Variants in IL1RAPL1 observed in about 807,000 individuals in gnomAD.
The protein encoded by IL1RAPL1 is interleukin-1 receptor accessory protein-like 1.
A neutral mutation model predicts 48.4 loss-of-function variants in IL1RAPL1; 3 were observed. The observed-to-expected ratio is 0.06, with a 90% confidence interval of 0.03 to 0.16. IL1RAPL1 has a LOEUF of 0.16. Ranked by LOEUF, IL1RAPL1 falls within the 10% of genes least tolerant of loss-of-function variation. The pLI, the probability that IL1RAPL1 is intolerant of heterozygous loss-of-function variation, is 1.00. For missense variants in IL1RAPL1, 349 were observed against 530.6 expected, an observed-to-expected ratio of 0.66 and a Z score of 3.36; for synonymous variants, 185 against 187.7, an observed-to-expected ratio of 0.99 and a Z score of 0.12.
intron 5 of IL1RAPL1, among the ~76,000 whole-genome samples, chrX:29,538,338 CTTTTTTT>C (rs397896582): frequency 3.6e-5 from 3 of 83,584 alleles, no homozygotes; most frequent in South Asian, 6.3e-4. Flanking sequence ...CTTTTCTTTT[CTTTTTTT>C]TTTTTTTTTT....
intron 6 of IL1RAPL1, among the ~76,000 whole-genome samples, chrX:29,891,515 T>TAATA (rs1196039274): frequency 8.9e-6 from 1 of 111,734 alleles, no homozygotes; most frequent in Admixed American, 9.5e-5. Flanking sequence ...GAGCCTCCTC[T>TAATA]AATAGGTTTC....
chrX:29,884,488 TC>T (rs1462838193), intron 6 of IL1RAPL1, among the ~76,000 whole-genome samples: 1 of 110,990 alleles, frequency 9.0e-6, no homozygotes, highest in Non-Finnish European at 1.9e-5. Context: ...TGCTGGTTAG[TC>T]CTCTTCCCCC....
intron 5 of IL1RAPL1, among the ~76,000 whole-genome samples, chrX:29,569,689 A>G (rs562073213): frequency 5.4e-5 from 6 of 111,629 alleles, no homozygotes; most frequent in African/African-American, 1.9e-4. Context: ...GAAAGCAGGC[A>G]TTTAATGAGA....
intron 2 of IL1RAPL1, among the ~76,000 whole-genome samples, chrX:29,188,187 A>C (rs1263754270): frequency 8.9e-6 from 1 of 111,905 alleles, no homozygotes. Flanking sequence ...CTTTACAATG[A>C]ACTTCCATCC....
At chrX:29,638,482 T>G (rs1378847776) in intron 5 of IL1RAPL1, among the ~76,000 whole-genome samples, 1 of 111,681 alleles carries the variant, frequency 9.0e-6, no homozygotes, top group Non-Finnish European at 1.9e-5. Flanking sequence ...AAAACTTGAA[T>G]ACAGTATGGC....
intron 5 of IL1RAPL1, among the ~76,000 whole-genome samples, chrX:29,573,580 C>T (rs5972427): frequency 0.12 from 13,652 of 111,718 alleles, 1,592 homozygotes; most frequent in African/African-American, 0.36. Flanking sequence ...GCAACATGCA[C>T]TGAGTTTTTT....
intron 3 of IL1RAPL1, among the ~76,000 whole-genome samples, chrX:29,289,013 G>T (rs1231783871): frequency 1.8e-5 from 2 of 111,227 alleles, no homozygotes; most frequent in Non-Finnish European, 3.8e-5. Flanking sequence ...GGAGTTGTTT[G>T]TTTTTTTCTC....
intron 5 of IL1RAPL1, among the ~76,000 whole-genome samples, chrX:29,531,846 C>G (rs1602282408): frequency 8.9e-6 from 1 of 111,868 alleles, no homozygotes; most frequent in African/African-American, 3.3e-5. Context: ...ATAGCATTCT[C>G]CCTGTATCTC....
chrX:29,189,506 T>C (rs748842532), intron 2 of IL1RAPL1, among the ~76,000 whole-genome samples: 7 of 111,660 alleles, frequency 6.3e-5, no homozygotes, highest in East Asian at 2.8e-4. Context: ...CTTCCTGTTA[T>C]ATAAGTTCTC....
intron 2 of IL1RAPL1, among the ~76,000 whole-genome samples, chrX:29,091,033 G>A (rs1314771323): frequency 8.9e-6 from 1 of 112,155 alleles, no homozygotes; most frequent in Non-Finnish European, 1.9e-5. Flanking sequence ...CCAAGGAATG[G>A]CACTGACCAC....
At chrX:29,805,400 C>T (rs1930231097) in intron 6 of IL1RAPL1, among the ~76,000 whole-genome samples, 1 of 107,810 alleles carries the variant, frequency 9.3e-6, no homozygotes, top group Non-Finnish European at 1.9e-5. Context: ...TACACACGCA[C>T]ACACACACAC....
intron 3 of IL1RAPL1, among the ~76,000 whole-genome samples, chrX:29,354,114 T>A (rs1441500841): frequency 9.0e-6 from 1 of 111,204 alleles, no homozygotes; most frequent in African/African-American, 3.3e-5. Context: ...TTTTGTCAGA[T>A]ACTGTTATTA....
At chrX:28,896,099 G>A (rs1348009786) in intron 2 of IL1RAPL1, among the ~76,000 whole-genome samples, 9 of 112,091 alleles carry the variant, frequency 8.0e-5, no homozygotes, top group South Asian at 3.7e-4. Flanking sequence ...TGGCAGCTGC[G>A]GTTCGGGCAT....
chrX:29,303,182 G>A (rs1401830352), intron 3 of IL1RAPL1, among the ~76,000 whole-genome samples: 1 of 111,802 alleles, frequency 8.9e-6, no homozygotes, highest in African/African-American at 3.3e-5. Flanking sequence ...TACGGTAGAC[G>A]TTTGGGTGGG....
chrX:28,750,311 C>T (rs1182980400), intron 1 of IL1RAPL1, among the ~76,000 whole-genome samples: 1 of 111,368 alleles, frequency 9.0e-6, no homozygotes, highest in African/African-American at 3.3e-5. Context: ...TATACAATGC[C>T]TTTACTTAAA....
At chrX:29,415,164 A>G (rs1249122050) in intron 5 of IL1RAPL1, among the ~76,000 whole-genome samples, 1 of 111,903 alleles carries the variant, frequency 8.9e-6, no homozygotes, top group Non-Finnish European at 1.9e-5. Flanking sequence ...AGCTAAAAGC[A>G]TTTAGTTCAT....
intron 1 of IL1RAPL1, among the ~76,000 whole-genome samples, chrX:28,700,507 C>T (rs967554911): frequency 7.3e-5 from 8 of 109,118 alleles, no homozygotes; most frequent in Non-Finnish European, 1.5e-4. Flanking sequence ...GGGTTTTAAC[C>T]TCAGTCTGTC....
At chrX:29,162,658 C>T (rs1004955716) in intron 2 of IL1RAPL1, among the ~76,000 whole-genome samples, 8 of 110,890 alleles carry the variant, frequency 7.2e-5, no homozygotes, top group African/African-American at 2.6e-4. Context: ...ATGGCTCAAT[C>T]GAGGAAATCT....
intron 2 of IL1RAPL1, among the ~76,000 whole-genome samples, chrX:28,808,108 C>T (rs1936751895): frequency 9.0e-6 from 1 of 111,237 alleles, no homozygotes; most frequent in Non-Finnish European, 1.9e-5. Flanking sequence ...CAGTTTTCCT[C>T]GCAGTAGATT....
Sources: allele counts gnomAD v4.1 joint callset (sites outside exome capture counted in the v4.1 genomes callset), GRCh38; gene constraint gnomAD v4.1.1; transcripts MANE v1.5; gene names NCBI Gene and HGNC (gene_info 2026-07-23, HGNC 2026-07-21).